The following CAPRIN1 variants were observed in gnomAD, a reference collection of about 807,000 sequenced individuals.
CAPRIN1 encodes caprin-1.
In CAPRIN1, 29 loss-of-function variants were observed where a neutral mutation model predicts 100.9. The observed-to-expected ratio is 0.29, with a 90% CI of 0.21 to 0.39. CAPRIN1 has a LOEUF of 0.39. Ranked by LOEUF, CAPRIN1 falls within the 10% of genes least tolerant of loss-of-function variation. CAPRIN1 has a pLI of 1.00. For missense variants in CAPRIN1, 795 were observed against 876.7 expected (o/e 0.91, Z 1.18); for synonymous variants, 338 against 307.5 (o/e 1.10, Z -1.04).
intron 15 of CAPRIN1, 98 bp downstream of exon 15, chr11:34,092,154 GTTT>G: frequency 8.0e-7 from 1 of 1,247,100 alleles, no homozygotes; most frequent in South Asian, 1.6e-5. Context: ...GTGTCCAAGA[GTTT>G]CTGTTTTAGT....
At chr11:34,083,123 G>A (rs1399294553) in intron 9 of CAPRIN1, 82 bp downstream of exon 9, 2 of 932,580 alleles carry the variant, frequency 2.1e-6, no homozygotes, top group African/African-American at 1.7e-5. Context: ...AATTAAGATT[G>A]TTTTTTGCAT....
In CAPRIN1 at chr11:34,089,328, G is replaced by T. The variant is rs143103335; in HGVS notation, c.1232-67G>T. On this transcript the variant is annotated intron_variant, in intron 11 of 18. Coordinates refer to ENST00000341394, the MANE Select transcript of CAPRIN1 (RefSeq NM_005898.5). ...AAAAGCCTTTAATAGCGAAATAAAA[G>T]GTATTTAGACGCGTCTCTCTAAAAA... 139 of 453,776 alleles carry T rather than the reference G, an allele frequency of 3.1e-4. No individual in the cohort carries two copies. The African/African-American group carries it at 3.1e-3, about 10-fold the overall frequency. The allele number at this position is 453,776 out of a possible 1,614,324, so 28.1% of individuals were successfully genotyped here.
chr11:34,090,397 C>A, intron 13 of CAPRIN1, 108 bp downstream of exon 13: 2 of 1,295,212 alleles, frequency 1.5e-6, no homozygotes, highest in Non-Finnish European at 2.2e-6. Flanking sequence ...ACCTACTTTG[C>A]TTTCATGAAA....
chr11:34,059,843 G>A (rs1452222375), intron 2 of CAPRIN1, among the ~76,000 whole-genome samples: 1 of 150,520 alleles, frequency 6.6e-6, no homozygotes, highest in Non-Finnish European at 1.5e-5. Context: ...CTTTTTACAG[G>A]TGTGTAGAGT....
chr11:34,069,693 A>T (rs1285475478), intron 2 of CAPRIN1, among the ~76,000 whole-genome samples: 4 of 152,080 alleles, frequency 2.6e-5, no homozygotes, highest in Non-Finnish European at 4.4e-5. Context: ...CTGAAATTTT[A>T]TACCTGTTTA....
chr11:34,065,956 A>C lies in CAPRIN1; in HGVS notation c.217-5770A>C, dbSNP rs1850682292. 2.6e-5 allele frequency among the ~76,000 whole-genome samples: 4 copies of C among 152,022 alleles called. No homozygotes were observed. In the South Asian group the frequency reaches 8.3e-4, roughly 32 times the overall value. On this transcript the variant is annotated intron_variant, in intron 2 of 18. Coordinates refer to ENST00000341394, the MANE Select transcript of CAPRIN1 (RefSeq NM_005898.5). ...TGCTATGATGAAACTTTCTTTTTTTATTGTGGTTAGAAAAATGTTATATGG... is the reference window on the plus strand; with the variant it reads ...TGCTATGATGAAACTTTCTTTTTTTCTTGTGGTTAGAAAAATGTTATATGG...
Position 34,086,056 on chromosome 11 carries a change from TACC to T in CAPRIN1, c.967-7_967-5del, listed in dbSNP as rs1489583949. Reference sequence around the variant, plus strand: ...CTATTCCTTCTAATCCTTTTTTTTCTACCTTAGGTGGTAAATTCACTCCAGCAG... The same window carrying T: ...CTATTCCTTCTAATCCTTTTTTTTCTTTAGGTGGTAAATTCACTCCAGCAG... On this transcript the variant is annotated splice_region_variant and splice_polypyrimidine_tract_variant and intron_variant, in intron 9 of 18. Coordinates refer to ENST00000341394, the MANE Select transcript of CAPRIN1 (RefSeq NM_005898.5). 6.2e-7 allele frequency: 1 copy of T among 1,611,490 alleles called. No individual in the cohort carries two copies. Among genetic ancestry groups the T allele is most frequent in the Admixed American group, 1.7e-5 (1 of 59,296 alleles).
chr11:34,079,904 A>AGTTTTTTGTTTTTTTTTT (rs1565091690), intron 7 of CAPRIN1, 139 bp downstream of exon 7: 1 of 496,410 alleles, frequency 2.0e-6, no homozygotes, highest in African/African-American at 2.3e-5. Flanking sequence ...AGCATGACAA[A>AGTTTTTTGTTTTTTTTTT]GTTTTTTTTT....
chr11:34,089,072 C>G (rs1022651158), intron 11 of CAPRIN1, among the ~76,000 whole-genome samples: 1 of 151,690 alleles, frequency 6.6e-6, no homozygotes, highest in African/African-American at 2.4e-5. Flanking sequence ...AGTTTGAGAC[C>G]AGCCTGGGCA....
At chr11:34,052,311 T>C (rs1333095565) in intron 1 of CAPRIN1, 110 bp from the exon 2 acceptor site, 3 of 911,496 alleles carry the variant, frequency 3.3e-6, no homozygotes, top group South Asian at 1.5e-5. Flanking sequence ...CCCGCTCGCG[T>C]AGGCTACCGC....
chr11:34,055,805 A>G (rs138068077), intron 2 of CAPRIN1: 123 of 152,340 alleles, frequency 8.1e-4, no homozygotes, highest in African/African-American at 2.5e-3. Flanking sequence ...GTCAAGTTAC[A>G]GTTAAGTCTT....
Position 34,086,321 on chromosome 11 carries a change from T to A in CAPRIN1, c.1139T>A (p.Phe380Tyr), listed in dbSNP as rs766901571. 6.2e-7 allele frequency: 1 copy of A among 1,613,540 alleles called. No homozygotes were observed. The highest frequency in any genetic ancestry group is 1.3e-5 in the African/African-American group (1 of 74,916). The change falls in exon 11 of 19, where the codon TTT becomes TAT. Residue 380 changes from phenylalanine to tyrosine, a missense_variant. Transcript: ENST00000341394. ...AACCTGTAGGATTCAATGCTGGATT[T>A]TGAAAATCAGACACTTGATCCTGCC... ...YNFIQDSMLD[F>Y]ENQTLDPAIV...
In CAPRIN1 at chr11:34,096,515, A is replaced by G. The variant is rs993623953; in HGVS notation, c.1742A>G (p.His581Arg). ...GTYHGSPDQS[H>R]QVTGNHQQPP... The stretch of plus-strand genomic sequence containing the variant: ...TACCATGGTTCCCCAGACCAGTCCC[A>G]TCAAGTGACTGGTAACCACCAGCAG... The change falls in exon 16 of 19, where the codon CAT becomes CGT. Residue 581 changes from histidine to arginine, a missense_variant. Physicochemically the swap from His to Arg is conservative, Grantham distance 29. This residue lies in a region of CAPRIN1 where 648 missense variants were observed against 697.9 expected (regional missense o/e 0.93). Transcript: ENST00000341394. 2.5e-6 allele frequency: 4 copies of G among 1,613,858 alleles called. No homozygotes were observed. The highest frequency in any genetic ancestry group is 3.3e-5 in the Admixed American group (2 of 59,996).
rs1189734580 is a variant in CAPRIN1, at chr11:34,101,655, CT to C, written c.*2292del. ...TTACCATCACAGTTTAAATGTATAT[CT>C]TTTATGTCTCTACTCAGACCATATT... is the stretch of plus-strand genomic sequence containing the variant. On this transcript the variant is annotated 3_prime_UTR_variant, in exon 19 of 19. Transcript: ENST00000341394. 2.6e-5 allele frequency among the ~76,000 whole-genome samples: 4 copies of C among 152,092 alleles called. No individual in the cohort carries two copies. Among genetic ancestry groups the C allele is most frequent in the South Asian group, 4.2e-4 (2 of 4,812 alleles).
rs192764793 is a variant in CAPRIN1 at position 34,052,793 on chromosome 11, G to C, written c.216+157G>C. 66 of 1,441,116 alleles carry C rather than the reference G, an allele frequency of 4.6e-5. 1 individual carries two copies. In the African/African-American group the frequency reaches 9.4e-4, roughly 21 times the overall value. The allele number at this position is 1,441,116 out of a possible 1,614,324, so 89.3% of individuals were successfully genotyped here. ...CCCACACGCCCCGTCTCCACGTTCA[G>C]CGGGAGCTTCGTGCCCAGAAAACGG... On this transcript the variant is annotated intron_variant, in intron 2 of 18. Coordinates refer to ENST00000341394, the MANE Select transcript of CAPRIN1 (RefSeq NM_005898.5).
At chr11:34,089,568 AC>A in intron 12 of CAPRIN1, 112 bp downstream of exon 12, 1 of 617,192 alleles carries the variant, frequency 1.6e-6, no homozygotes, top group Admixed American at 2.7e-5. Flanking sequence ...GGAGTTCAAG[AC>A]CAGTCTGGGC....
At chr11:34,078,575 A>G (rs991047732) in intron 6 of CAPRIN1, among the ~76,000 whole-genome samples, 2 of 152,080 alleles carry the variant, frequency 1.3e-5, no homozygotes, top group Admixed American at 6.6e-5. Context: ...CTCCCTCTTT[A>G]AAATCTTTAG....
In CAPRIN1 at chr11:34,068,042, C is replaced by T. The variant is rs1850733709; in HGVS notation, c.217-3684C>T. The stretch of plus-strand genomic sequence containing the variant: ...GCCTGTCAGGGATTCAGACAGGGCA[C>T]ACAGGAGTTTTGATGTTTCTGTTCG... On this transcript the variant is annotated intron_variant, in intron 2 of 18. Transcript: ENST00000341394. Among the ~76,000 whole-genome samples the T allele has an allele frequency of 4.6e-5, 7 of 152,170 alleles. No individual in the cohort carries two copies. The South Asian group carries it at 1.2e-3, about 27-fold the overall frequency.
chr11:34,089,564 C>A (rs1000426706), intron 12 of CAPRIN1, 108 bp downstream of exon 12: 2 of 621,270 alleles, frequency 3.2e-6, no homozygotes, highest in East Asian at 5.7e-5. Flanking sequence ...GTCAGGAGTT[C>A]AAGACCAGTC....
Sources: gnomAD v4.1 joint callset for allele counts (sites outside exome capture counted in the v4.1 genomes callset) on GRCh38, gnomAD v4.1.1 for gene constraint, gnomAD v4.1.1 regional missense constraint, MANE v1.5 for transcripts, NCBI Gene and HGNC (gene_info 2026-07-23, HGNC 2026-07-21) for gene names.